RTCB: variants seen among roughly 807,000 people sequenced by gnomAD.
RTCB encodes RNA-splicing ligase RTCB.
RTCB carries 32 observed loss-of-function variants against 58.2 expected under a neutral mutation model. The observed-to-expected ratio is 0.55, with a 90% CI of 0.41 to 0.74. The LOEUF (loss-of-function observed/expected upper bound fraction) is 0.74, where lower values mean the gene tolerates loss of function less well. Among genes scored for constraint, RTCB ranks in the 30% least tolerant of loss-of-function variants. RTCB has a pLI of 0.00. For missense variants in RTCB, 523 were observed against 639.0 expected (o/e 0.82, Z 1.96); for synonymous variants, 247 against 218.6 (o/e 1.13, Z -1.15).
rs150004729 is a variant in RTCB, at chr22:32,393,133, C to T, written c.1290+759G>A. ...AAGTTTTTGTGGAGACGGTGTCTTG[C>T]TAATGTTGCCCAGTCTAGTCTTGAA... On this transcript the variant is annotated intron_variant, in intron 10 of 11. Coordinates refer to ENST00000216038, the MANE Select transcript of RTCB (RefSeq NM_014306.5). 1.1e-3 allele frequency among the ~76,000 whole-genome samples: 167 copies of T among 152,264 alleles called. 2 individuals are homozygous for T. The highest frequency in any genetic ancestry group is 7.1e-3 in the Admixed American group (109 of 15,298).
chr22:32,394,382 A>G (rs1933208316), intron 9 of RTCB, among the ~76,000 whole-genome samples: 1 of 152,006 alleles, frequency 6.6e-6, no homozygotes, highest in South Asian at 2.1e-4. Flanking sequence ...AAGTGCTGGG[A>G]TTACAGGCGT....
chr22:32,408,976 TC>T, intron 1 of RTCB, 143 bp from the exon 2 acceptor site: 1 of 625,912 alleles, frequency 1.6e-6, no homozygotes. Context: ...ACAGAAAACT[TC>T]CTATCAAAGA....
chr22:32,392,608 A>G (rs1933174186), intron 10 of RTCB: 1 of 606,538 alleles, frequency 1.6e-6, no homozygotes, highest in Admixed American at 2.6e-5. Flanking sequence ...CGCCTCTAAG[A>G]CCCACTAAAT....
chr22:32,399,447 A>G (rs1933299131), intron 6 of RTCB, among the ~76,000 whole-genome samples, 156 bp downstream of exon 6: 1 of 151,970 alleles, frequency 6.6e-6, no homozygotes, highest in African/African-American at 2.4e-5. Flanking sequence ...TAGTTTTTTT[A>G]GAATAAAAAT....
intron 4 of RTCB, among the ~76,000 whole-genome samples, chr22:32,405,057 G>A (rs952001883): frequency 6.6e-6 from 1 of 152,198 alleles, no homozygotes; most frequent in East Asian, 1.9e-4. Flanking sequence ...AGACCCTGGG[G>A]TGGGGGTGAG....
At position 32,399,721 on chromosome 22, in the gene RTCB, G is replaced by A. The variant is rs201857082; in HGVS notation, c.536C>T (p.Ser179Phe). 1.2e-6 allele frequency: 2 copies of A among 1,613,964 alleles called. No individual in the cohort carries two copies. Among genetic ancestry groups the A allele is most frequent in the Admixed American group, 3.3e-5 (2 of 60,002 alleles). ...AGCCCAGGCATACCCTTCTCTTAAGGACCAGTCCACCCCCATCTCCAAGGC... is the reference window on the plus strand; with the variant it reads ...AGCCCAGGCATACCCTTCTCTTAAGAACCAGTCCACCCCCATCTCCAAGGC... ...EEALEMGVDW[S>F]LREGYAWAED... Residue 179 changes from serine (S) to phenylalanine (F), a missense_variant, in exon 6 of 12, where the codon TCC becomes TTC. By Grantham distance (155) the Ser-to-Phe change is radical. Around this residue, in one of 3 missense-constraint regions of RTCB, gnomAD observed 141 missense variants for 216.7 expected, o/e 0.65. Coordinates refer to ENST00000216038, the MANE Select transcript of RTCB (RefSeq NM_014306.5).
At chr22:32,398,472 G>A (rs1255901404) in intron 6 of RTCB, among the ~76,000 whole-genome samples, 2 of 152,148 alleles carry the variant, frequency 1.3e-5, no homozygotes, top group African/African-American at 2.4e-5. Context: ...GAGGAAAGGG[G>A]AGGGAGAGCA....
intron 5 of RTCB, 35 bp downstream of exon 5, chr22:32,401,712 C>T: frequency 3.7e-6 from 6 of 1,607,808 alleles, no homozygotes; most frequent in Non-Finnish European, 5.1e-6. Flanking sequence ...GTTATTATCC[C>T]TCCCATACCA....
chr22:32,396,133 C>T lies in RTCB; in HGVS notation c.931G>A (p.Ala311Thr). 1 of 1,614,142 alleles carries T rather than the reference C, an allele frequency of 6.2e-7. No individual in the cohort carries two copies. The highest frequency in any genetic ancestry group is 2.2e-5 in the East Asian group (1 of 44,880). The part of the protein sequence containing the change: ...PEGQDYLKGM[A>T]AAGNYAWVNR... ...ACCCAGGCATAGTTCCCAGCAGCTG[C>T]CATTCCCTTCAGATAGTCTTGACCC... Residue 311 changes from alanine to threonine, a missense_variant, in exon 8 of 12, where the codon GCA becomes ACA. Coordinates refer to ENST00000216038, the MANE Select transcript of RTCB (RefSeq NM_014306.5).
At chr22:32,394,990 C>G in intron 9 of RTCB, 36 bp downstream of exon 9, 1 of 1,546,266 alleles carries the variant, frequency 6.5e-7, no homozygotes, top group Admixed American at 1.8e-5. Context: ...AAATCGTGCC[C>G]CCACTGCTTA....
Position 32,398,118 on chromosome 22 carries a change from T to C in RTCB, c.655-18A>G, listed in dbSNP as rs748474993. The C allele has an allele frequency of 6.2e-7, 1 of 1,601,612 alleles. No individual in the cohort carries two copies. The highest frequency in any genetic ancestry group is 1.1e-5 in the South Asian group (1 of 87,126). ...GTCCCCAACTGCAAATGTAAAAATG[T>C]CTGGTAAGATAGTTTTTATTCCAGT... On this transcript the variant is annotated intron_variant, in intron 6 of 11. Coordinates refer to ENST00000216038, the MANE Select transcript of RTCB (RefSeq NM_014306.5).
chr22:32,403,626 C>T (rs972803956), intron 4 of RTCB, among the ~76,000 whole-genome samples: 1 of 152,106 alleles, frequency 6.6e-6, no homozygotes, highest in Admixed American at 6.5e-5. Flanking sequence ...GTTGCCCAGG[C>T]TAGGTCATAG....
At chr22:32,392,169 T>G (rs1933163776) in intron 11 of RTCB, 71 bp downstream of exon 11, 7 of 1,492,566 alleles carry the variant, frequency 4.7e-6, no homozygotes, top group Non-Finnish European at 6.3e-6. Flanking sequence ...TAAATTGCTG[T>G]CTCTGTAGAC....
intron 8 of RTCB, among the ~76,000 whole-genome samples, chr22:32,395,638 A>G (rs1261060656): frequency 6.6e-6 from 1 of 152,202 alleles, no homozygotes; most frequent in Non-Finnish European, 1.5e-5. Context: ...TGGTATTTTG[A>G]AAGTTAACTA....
chr22:32,407,935 G>T, intron 3 of RTCB: 1 of 487,676 alleles, frequency 2.1e-6, no homozygotes, highest in Non-Finnish European at 3.7e-6. Context: ...TAATTTTTTT[G>T]GTATAGACAG....
At chr22:32,393,040 A>G (rs140455636) in intron 10 of RTCB, among the ~76,000 whole-genome samples, 1 of 152,188 alleles carries the variant, frequency 6.6e-6, no homozygotes, top group African/African-American at 2.4e-5. Context: ...GGGCTCAAGC[A>G]ATCCTCCTGC....
At chr22:32,409,132 A>G (rs1321854222) in intron 1 of RTCB, among the ~76,000 whole-genome samples, 2 of 152,280 alleles carry the variant, frequency 1.3e-5, no homozygotes, top group East Asian at 1.9e-4. Flanking sequence ...AAATCTTCCA[A>G]CTATACTCTC....
At chr22:32,392,897 G>C (rs1343892469) in intron 10 of RTCB, among the ~76,000 whole-genome samples, 1 of 152,208 alleles carries the variant, frequency 6.6e-6, no homozygotes, top group African/African-American at 2.4e-5. Context: ...GCAAACTACG[G>C]TGTATGGGCC....
At position 32,403,452 on chromosome 22, in the gene RTCB, T is replaced by C. The variant is rs117087183; in HGVS notation, c.341-1549A>G. Among the ~76,000 whole-genome samples, 1,409 of 152,294 alleles carry C rather than the reference T, an allele frequency of 9.3e-3. 70 individuals are homozygous for C. The highest frequency in any genetic ancestry group is 0.072 in the East Asian group (372 of 5,182). On this transcript the variant is annotated intron_variant, in intron 4 of 11. Transcript: ENST00000216038. ...CCTGTATATATTTAGGTGTACACAA[T>C]GTACATTTACATTGTGAAGTAATTA...
Sources: allele counts gnomAD v4.1 joint callset (sites outside exome capture counted in the v4.1 genomes callset), GRCh38; gene constraint gnomAD v4.1.1; regional missense constraint gnomAD v4.1.1; transcripts MANE v1.5; gene names NCBI Gene and HGNC (gene_info 2026-07-23, HGNC 2026-07-21).